TLR7: variants seen among roughly 807,000 people sequenced by gnomAD.
TLR7 encodes toll-like receptor 7.
A neutral mutation model predicts 38.3 loss-of-function variants in TLR7; 12 were observed. The observed-to-expected ratio is 0.31, with a 90% CI of 0.20 to 0.51. The LOEUF (loss-of-function observed/expected upper bound fraction) is 0.51. Among genes scored for constraint, TLR7 ranks in the 20% least tolerant of loss-of-function variants. The pLI, the probability that TLR7 is intolerant of heterozygous loss-of-function variation, is 0.98. For synonymous variants in TLR7, 285 were observed against 293.8 expected, an observed-to-expected ratio of 0.97 and a Z score of 0.31; for missense variants, 504 against 743.4, an observed-to-expected ratio of 0.68 and a Z score of 3.74.
Position 12,885,648 on chromosome X carries a change from T to C in TLR7, c.140T>C (p.Val47Ala). The C allele has an allele frequency of 1.7e-6, 2 of 1,212,119 alleles. No individual in the cohort carries two copies. The highest frequency in any genetic ancestry group is 2.2e-6 in the Non-Finnish European group (2 of 895,625). ...DVTLDVPKNH[V>A]IVDCTDKHLT... Reference sequence around the variant, plus strand: ...ACTCTGGATGTTCCAAAGAACCATGTGATCGTGGACTGCACAGACAAGCAT... The same window carrying C: ...ACTCTGGATGTTCCAAAGAACCATGCGATCGTGGACTGCACAGACAAGCAT... Residue 47 changes from valine to alanine, a missense_variant, in exon 3 of 3, where the codon GTG (valine) becomes GCG (alanine). Physicochemically the swap from Val to Ala is moderately conservative, Grantham distance 64. Transcript: ENST00000380659.
intron 2 of TLR7, among the ~76,000 whole-genome samples, chrX:12,868,824 A>G (rs2042842522): frequency 8.9e-6 from 1 of 111,835 alleles, no homozygotes; most frequent in Non-Finnish European, 1.9e-5. Flanking sequence ...GGCTATTGTT[A>G]CAAAGGAAAC....
At chrX:12,875,221 T>C (rs1315853223) in intron 2 of TLR7, among the ~76,000 whole-genome samples, 2 of 111,642 alleles carry the variant, frequency 1.8e-5, no homozygotes, top group African/African-American at 6.5e-5. Context: ...TTTCTCACCA[T>C]AGATTTCCCT....
At chrX:12,875,367 C>G (rs958137226) in intron 2 of TLR7, among the ~76,000 whole-genome samples, 1 of 112,066 alleles carries the variant, frequency 8.9e-6, no homozygotes, top group Non-Finnish European at 1.9e-5. Context: ...AGCACAGTAC[C>G]TTGCACAGAG....
intron 2 of TLR7, among the ~76,000 whole-genome samples, chrX:12,868,596 G>A (rs1318230672): frequency 9.0e-6 from 1 of 111,404 alleles, no homozygotes; most frequent in Non-Finnish European, 1.9e-5. Context: ...TGCCTTCCAG[G>A]GCCACTGTGA....
At chrX:12,878,014 A>C in intron 2 of TLR7, among the ~76,000 whole-genome samples, 1 of 111,889 alleles carries the variant, frequency 8.9e-6, no homozygotes, top group Admixed American at 9.5e-5. Flanking sequence ...AAGACAAAAA[A>C]AGTTTCCGGA....
Position 12,886,700 on chromosome X carries a change from A to G in TLR7, c.1192A>G (p.Asn398Asp), listed in dbSNP as rs1315560483. The G allele has an allele frequency of 8.3e-7, 1 of 1,210,057 alleles. No individual in the cohort carries two copies. Among genetic ancestry groups the G allele is most frequent in the African/African-American group, 1.7e-5 (1 of 57,374 alleles). Residue 398 changes from asparagine (N) to aspartate (D), a missense_variant, in exon 3 of 3, where the codon AAT (asparagine) becomes GAT (aspartate). Transcript: ENST00000380659. The part of the protein sequence containing the change: ...FNLSPLHNLQ[N>D]LEVLDLGTNF... ...CCTCTCGCCATTACATAATCTTCAA[A>G]ATCTTGAAGTTCTTGATCTTGGCAC...
At chrX:12,872,902 A>G (rs5743737) in intron 2 of TLR7, among the ~76,000 whole-genome samples, 2,665 of 109,107 alleles carry the variant, frequency 0.024, 90 homozygotes, top group African/African-American at 0.084. Context: ...CATCCTTCTC[A>G]AATGTAAGTC....
Position 12,888,777 on chromosome X carries a change from C to A in TLR7, c.*119C>A. ...AAATTCTTCAAGAAATGAGATTGCC[C>A]ATATTTCAGGGGAGCCACCAACGTC... On this transcript the variant is annotated 3_prime_UTR_variant, in exon 3 of 3. Coordinates refer to ENST00000380659, the MANE Select transcript of TLR7 (RefSeq NM_016562.4). The A allele has an allele frequency of 1.2e-6, 1 of 860,706 alleles. No individual in the cohort carries two copies. The allele number at this position is 860,706 out of a possible 1,213,427, so 70.9% of individuals were successfully genotyped here.
chrX:12,870,762 G>GT (rs1274776321), intron 2 of TLR7, among the ~76,000 whole-genome samples: 2 of 111,979 alleles, frequency 1.8e-5, no homozygotes, highest in African/African-American at 3.3e-5. Context: ...TTTACAAATG[G>GT]TTTTATTGTT....
intron 2 of TLR7, among the ~76,000 whole-genome samples, chrX:12,873,589 T>C (rs5743738): frequency 0.011 from 1,265 of 111,881 alleles, 22 homozygotes; most frequent in African/African-American, 0.039. Context: ...ACAATACATA[T>C]TATTTATGAT....
At position 12,889,670 on chromosome X, in the gene TLR7, C is replaced by T. The variant is rs1649774120; in HGVS notation, c.*1012C>T. ...CTGCCTTTATACAAAGTGATATTCTCTACCTTTGATAATTTACCTGCTTAA... is the reference window on the plus strand; with the variant it reads ...CTGCCTTTATACAAAGTGATATTCTTTACCTTTGATAATTTACCTGCTTAA... On this transcript the variant is annotated 3_prime_UTR_variant, in exon 3 of 3. Transcript: ENST00000380659. The T allele has an allele frequency of 8.9e-6, 1 of 112,916 alleles. No homozygotes were observed. Among genetic ancestry groups the T allele is most frequent in the South Asian group, 3.6e-4 (1 of 2,781 alleles). 9.3% of individuals were successfully genotyped at this position (112,916 alleles called of 1,213,427 possible).
intron 2 of TLR7, among the ~76,000 whole-genome samples, chrX:12,882,574 C>T (rs761071017): frequency 4.5e-5 from 5 of 111,678 alleles, no homozygotes; most frequent in Admixed American, 9.5e-5. Flanking sequence ...CTGGACCCCA[C>T]TTGAAATTGG....
At chrX:12,872,973 A>AC (rs2042858400) in intron 2 of TLR7, among the ~76,000 whole-genome samples, 2 of 110,721 alleles carry the variant, frequency 1.8e-5, no homozygotes, top group South Asian at 7.7e-4. Flanking sequence ...CAGAGCAGAG[A>AC]CCGCCATCCA....
At chrX:12,879,820 C>A (rs777763776) in intron 2 of TLR7, among the ~76,000 whole-genome samples, 9 of 111,876 alleles carry the variant, frequency 8.0e-5, no homozygotes, top group African/African-American at 2.9e-4. Context: ...TGCCCAACTA[C>A]AAATGGAGGT....
Position 12,888,381 on chromosome X carries a change from C to A in TLR7, c.2873C>A (p.Thr958Lys). The A allele has an allele frequency of 8.3e-7, 1 of 1,211,955 alleles. No homozygotes were observed. The highest frequency in any genetic ancestry group is 1.8e-5 in the South Asian group (1 of 56,998). The change falls in exon 3 of 3, where the codon ACA (threonine) becomes AAA (lysine). Residue 958 changes from threonine (T) to lysine (K), a missense_variant. Thr to Lys is a moderately conservative substitution (Grantham distance 78, BLOSUM62 -1). Coordinates refer to ENST00000380659, the MANE Select transcript of TLR7 (RefSeq NM_016562.4). ...AGCAAAAAGACAGTGTTTGTGATGA[C>A]AGACAAGTATGCAAAGACTGAAAAT... Reference protein sequence around the residue: ...QLSKKTVFVMTDKYAKTENFK... With the variant: ...QLSKKTVFVMKDKYAKTENFK...
At position 12,867,531 on chromosome X, in the gene TLR7, G is replaced by T. The variant is rs199865866; in HGVS notation, c.-48G>T. 90 of 1,189,780 alleles carry T rather than the reference G, an allele frequency of 7.6e-5. No individual in the cohort carries two copies. The African/African-American group carries it at 1.4e-3, about 19-fold the overall frequency. On this transcript the variant is annotated 5_prime_UTR_variant, in exon 2 of 3. Transcript: ENST00000380659. ...CTGATCTTGGCACCTCTCATGCTCT[G>T]CTCTCTTCAACCAGACCTCTACATT...
chrX:12,876,323 G>A (rs179016), intron 2 of TLR7, among the ~76,000 whole-genome samples: 26 of 110,439 alleles, frequency 2.4e-4, no homozygotes, highest in Non-Finnish European at 3.4e-4. Flanking sequence ...CCCCAAAACC[G>A]CTAAGTAGCA....
intron 2 of TLR7, among the ~76,000 whole-genome samples, chrX:12,876,925 T>TAAA (rs36117973): frequency 1.2e-4 from 12 of 98,734 alleles, no homozygotes; most frequent in African/African-American, 4.0e-4. Context: ...TCATTACAAA[T>TAAA]AAAAAAAAAA....
At chrX:12,869,370 A>C (rs771531935) in intron 2 of TLR7, among the ~76,000 whole-genome samples, 8 of 112,033 alleles carry the variant, frequency 7.1e-5, no homozygotes, top group African/African-American at 2.3e-4. Flanking sequence ...TGGATAAAAA[A>C]ATGTGGCACA....
Sources: gnomAD v4.1 joint callset for allele counts (sites outside exome capture counted in the v4.1 genomes callset) on GRCh38, gnomAD v4.1.1 for gene constraint, MANE v1.5 for transcripts, NCBI Gene and HGNC (gene_info 2026-07-23, HGNC 2026-07-21) for gene names.